CSMD1: variants seen among roughly 807,000 people sequenced by gnomAD.
CSMD1 encodes the protein CUB and sushi domain-containing protein 1.
Under a neutral mutation model 417.5 loss-of-function variants are expected in CSMD1, and 213 were observed. That is an observed-to-expected ratio of 0.51 (90% confidence interval 0.46 to 0.57). CSMD1 has a LOEUF of 0.57. Among genes scored for constraint, CSMD1 ranks in the 20% least tolerant of loss-of-function variants. The pLI is 0.00. For synonymous variants in CSMD1, 2,862 were observed against 1,736.8 expected, an observed-to-expected ratio of 1.65 and a Z score of -16.11; for missense variants, 6,923 against 4,529.7, an observed-to-expected ratio of 1.53 and a Z score of -15.17.
chr8:3,709,190 G>A (rs1380074098), intron 6 of CSMD1, among the ~76,000 whole-genome samples: 2 of 150,186 alleles, frequency 1.3e-5, no homozygotes, highest in Admixed American at 1.3e-4. Flanking sequence ...AAAAAATGGG[G>A]GATGCATCTT....
At chr8:3,975,463 T>C (rs1813368309) in intron 5 of CSMD1, among the ~76,000 whole-genome samples, 2 of 152,142 alleles carry the variant, frequency 1.3e-5, no homozygotes, top group South Asian at 2.1e-4. Context: ...AATGCACTAA[T>C]ACATCACAGT....
At chr8:4,080,276 A>G (rs2552143) in intron 3 of CSMD1, among the ~76,000 whole-genome samples, 137,865 of 152,098 alleles carry the variant, frequency 0.91, 62,746 homozygotes, top group East Asian at 1. Flanking sequence ...CTACTTGACA[A>G]GTGCACACCA....
chr8:4,436,906 T>A (rs1371928772), intron 2 of CSMD1, among the ~76,000 whole-genome samples: 1 of 152,226 alleles, frequency 6.6e-6, no homozygotes, highest in African/African-American at 2.4e-5. Context: ...ATTTTCTTTA[T>A]CCATTCATCT....
chr8:4,069,133 A>G (rs1799412092), intron 3 of CSMD1, among the ~76,000 whole-genome samples: 1 of 152,198 alleles, frequency 6.6e-6, no homozygotes, highest in Non-Finnish European at 1.5e-5. Flanking sequence ...ATACTACAAT[A>G]TTGTTCATAG....
At chr8:3,161,117 TC>T (rs1317190344) in intron 38 of CSMD1, among the ~76,000 whole-genome samples, 1 of 152,204 alleles carries the variant, frequency 6.6e-6, no homozygotes, top group East Asian at 1.9e-4. Context: ...TATATATTTC[TC>T]CTGACTTTAG....
Position 2,966,628 on chromosome 8 carries a change from G to A in CSMD1, c.9042C>T (p.Leu3014=), listed in dbSNP as rs550050694. The change falls in exon 58 of 70, where the codon CTC becomes CTT. Residue 3014 remains leucine (L), a synonymous_variant. Coordinates refer to ENST00000635120, the MANE Select transcript of CSMD1 (RefSeq NM_033225.6). ...ACWEGYKTSG[L]MTRHCTANGT... Reference sequence around the variant, plus strand: ...CATTGGCTGTGCAATGCCGTGTCATGAGCCCTGAGGTCTTGTAGCCTTCCC... The same window carrying A: ...CATTGGCTGTGCAATGCCGTGTCATAAGCCCTGAGGTCTTGTAGCCTTCCC... 3 of 1,613,758 alleles carry A rather than the reference G, an allele frequency of 1.9e-6. No individual in the cohort carries two copies. Among genetic ancestry groups the A allele is most frequent in the Non-Finnish European group, 1.7e-6 (2 of 1,179,778 alleles).
At chr8:4,135,641 G>T (rs553353332) in intron 3 of CSMD1, among the ~76,000 whole-genome samples, 1 of 152,004 alleles carries the variant, frequency 6.6e-6, no homozygotes, top group Admixed American at 6.6e-5. Flanking sequence ...AGATGTTTGG[G>T]ATAATATATG....
chr8:4,278,131 A>G (rs1421985531), intron 3 of CSMD1, among the ~76,000 whole-genome samples: 1 of 152,192 alleles, frequency 6.6e-6, no homozygotes, highest in African/African-American at 2.4e-5. Flanking sequence ...TGCTCATATA[A>G]CTTCCACCAA....
chr8:3,486,921 C>T (rs111395811), intron 11 of CSMD1, among the ~76,000 whole-genome samples: 2 of 152,172 alleles, frequency 1.3e-5, no homozygotes, highest in African/African-American at 4.8e-5. Context: ...AATGTCTGAA[C>T]TGTCCAGTAC....
At chr8:4,366,593 G>GT (rs549839670) in intron 3 of CSMD1, among the ~76,000 whole-genome samples, 175 of 151,598 alleles carry the variant, frequency 1.2e-3, no homozygotes, top group Non-Finnish European at 1.9e-3. Flanking sequence ...AGCATCTGTT[G>GT]TTTTTTTTGC....
chr8:4,478,607 T>C (rs1462154397), intron 2 of CSMD1, among the ~76,000 whole-genome samples: 1 of 152,314 alleles, frequency 6.6e-6, no homozygotes, highest in African/African-American at 2.4e-5. Flanking sequence ...GAAAGTATTA[T>C]TGGCAGGGCG....
intron 2 of CSMD1, among the ~76,000 whole-genome samples, chr8:4,586,274 T>C (rs1484822287): frequency 1.3e-5 from 2 of 152,226 alleles, no homozygotes; most frequent in Non-Finnish European, 2.9e-5. Flanking sequence ...GACTGTATTT[T>C]AGTACCCATC....
At chr8:3,130,122 A>C (rs2129025883) in intron 41 of CSMD1, among the ~76,000 whole-genome samples, 1 of 152,274 alleles carries the variant, frequency 6.6e-6, no homozygotes, top group South Asian at 2.1e-4. Flanking sequence ...ATTATGTTCT[A>C]TTTTTCTTAT....
chr8:3,429,352 A>G (rs1412083199), intron 12 of CSMD1, among the ~76,000 whole-genome samples: 1 of 152,184 alleles, frequency 6.6e-6, no homozygotes, highest in Non-Finnish European at 1.5e-5. Flanking sequence ...TTGGGAAACA[A>G]TTTGGTAACT....
At chr8:4,019,447 TTCCCTTATTA>T (rs545183642) in intron 4 of CSMD1, among the ~76,000 whole-genome samples, 2,445 of 26,524 alleles carry the variant, frequency 0.092, 73 homozygotes, top group African/African-American at 0.28. Flanking sequence ...GAAGGGAACA[TTCCCTTATTA>T]GGGCCCTTAT....
chr8:4,141,318 G>C (rs1257061543), intron 3 of CSMD1, among the ~76,000 whole-genome samples: 1 of 151,096 alleles, frequency 6.6e-6, no homozygotes, highest in Non-Finnish European at 1.5e-5. Flanking sequence ...GAAATTAAGG[G>C]GAAATGAAGC....
chr8:4,792,291 G>T (rs765453713), intron 1 of CSMD1, among the ~76,000 whole-genome samples: 5 of 152,118 alleles, frequency 3.3e-5, no homozygotes, highest in Non-Finnish European at 7.3e-5. Context: ...CCCCTATAAA[G>T]GTGCATGGTC....
chr8:4,168,412 T>C (rs75665966), intron 3 of CSMD1, among the ~76,000 whole-genome samples: 2,278 of 151,974 alleles, frequency 0.015, 60 homozygotes, highest in East Asian at 0.065. Flanking sequence ...CAATATATAT[T>C]TTACATTTAT....
intron 3 of CSMD1, among the ~76,000 whole-genome samples, chr8:4,234,639 A>G (rs989960905): frequency 3.9e-5 from 6 of 152,146 alleles, no homozygotes; most frequent in Non-Finnish European, 7.4e-5. Context: ...GACATGGAAG[A>G]TTGCACCTGA....
Sources: allele counts gnomAD v4.1 joint callset (sites outside exome capture counted in the v4.1 genomes callset), GRCh38; gene constraint gnomAD v4.1.1; transcripts MANE v1.5; gene names NCBI Gene and HGNC (gene_info 2026-07-23, HGNC 2026-07-21).